Variants in OR52A5 observed in about 807,000 individuals in gnomAD.
The protein encoded by OR52A5 is olfactory receptor 52A5.
A neutral mutation model predicts 18.2 loss-of-function variants in OR52A5; 16 were observed. The observed-to-expected ratio is 0.88, with a 90% CI of 0.60 to 1.34. OR52A5 has a LOEUF of 1.34. OR52A5 is among the 40% of genes most tolerant of loss of function. OR52A5 has a pLI of 0.00. For missense variants in OR52A5, 418 were observed against 383.0 expected, an observed-to-expected ratio of 1.09 and a Z score of -0.76; for synonymous variants, 140 against 137.2, an observed-to-expected ratio of 1.02 and a Z score of -0.14.
At chr11:5,133,947 C>T (rs950562080) in intron 1 of OR52A5, among the ~76,000 whole-genome samples, 3 of 152,074 alleles carry the variant, frequency 2.0e-5, no homozygotes, top group Non-Finnish European at 4.4e-5. Flanking sequence ...TTCTTTGGCA[C>T]GTTATTTTGC....
At position 5,132,351 on chromosome 11, in the gene OR52A5, C is replaced by A. The variant is rs1846348667; in HGVS notation, c.292G>T (p.Ala98Ser). Reference sequence around the variant, plus strand: ...ATAAGCCACATTTGAAAAAGACAGGCATCAAAAGAAATCTCTGGCAAATGA... The same window carrying A: ...ATAAGCCACATTTGAAAAAGACAGGAATCAAAAGAAATCTCTGGCAAATGA... Reference protein sequence around the residue: ...WFHLPEISFDACLFQMWLIHS... With the variant: ...WFHLPEISFDSCLFQMWLIHS... The change falls in exon 2 of 2, where the codon GCC becomes TCC. Residue 98 changes from alanine (A) to serine (S), a missense_variant. Transcript: ENST00000307388. 1 of 1,614,110 alleles carries A rather than the reference C, an allele frequency of 6.2e-7. No homozygotes were observed.
rs758829227 is a variant in OR52A5, at chr11:5,131,741, T to C, written c.902A>G (p.Gln301Arg). 8.7e-6 allele frequency: 14 copies of C among 1,613,700 alleles called. No homozygotes were observed. The Admixed American group carries it at 1.8e-4, about 21-fold the overall frequency. The change falls in exon 2 of 2, where the codon CAA (glutamine) becomes CGA (arginine). Residue 301 changes from glutamine (Q) to arginine (R), a missense_variant. Coordinates refer to ENST00000307388, the MANE Select transcript of OR52A5 (RefSeq NM_001005160.3). ...CACTTTCACAATATGGTCACGAATT[T>C]GCTTGGTCTTCACTCCATAGACAAT... ...NPIVYGVKTK[Q>R]IRDHIVKVFF...
Position 5,132,202 on chromosome 11 carries a change from T to C in OR52A5, c.441A>G (p.Gly147=), listed in dbSNP as rs770428344. ...IFSQQFLTHI[G]LGVTLRAAIL... is the part of the protein sequence containing the mutation. ...TGGCAGCCCTGAGTGTCACCCCAAG[T>C]CCAATATGAGTTAAGAACTGCTGGG... Residue 147 remains glycine, a synonymous_variant, in exon 2 of 2, where the codon GGA becomes GGG. Coordinates refer to ENST00000307388, the MANE Select transcript of OR52A5 (RefSeq NM_001005160.3). The C allele has an allele frequency of 9.0e-5, 145 of 1,613,878 alleles. No individual in the cohort carries two copies. The South Asian group carries it at 1.4e-3, about 16-fold the overall frequency.
intron 1 of OR52A5, among the ~76,000 whole-genome samples, chr11:5,137,395 C>T (rs1442751913): frequency 6.6e-6 from 1 of 152,156 alleles, no homozygotes; most frequent in Non-Finnish European, 1.5e-5. Flanking sequence ...TACACTCCCT[C>T]CTAGAGTTAA....
intron 1 of OR52A5, among the ~76,000 whole-genome samples, chr11:5,137,772 A>T (rs1846405727): frequency 6.6e-6 from 1 of 152,178 alleles, no homozygotes; most frequent in Admixed American, 6.5e-5. Context: ...TGAAATTCTA[A>T]CTACCTCAGT....
chr11:5,132,727 A>AT, intron 1 of OR52A5, 25 bp from the exon 2 acceptor site: 6 of 801,744 alleles, frequency 7.5e-6, no homozygotes, highest in Non-Finnish European at 9.5e-6. Flanking sequence ...AATTAAAAAT[A>AT]TGTTAATTTA....
chr11:5,132,995 A>T (rs1270537609), intron 1 of OR52A5, among the ~76,000 whole-genome samples: 1 of 147,926 alleles, frequency 6.8e-6, no homozygotes, highest in African/African-American at 2.4e-5. Context: ...TGACTTACCA[A>T]TTGAAATTGT....
Position 5,132,340 on chromosome 11 carries a change from A to G in OR52A5, c.303T>C (p.Phe101=). Residue 101 remains phenylalanine, a synonymous_variant, in exon 2 of 2, where the codon TTT becomes TTC. Coordinates refer to ENST00000307388, the MANE Select transcript of OR52A5 (RefSeq NM_001005160.3). ...LPEISFDACL[F]QMWLIHSFQA... ...GGAATGAGTGAATAAGCCACATTTG[A>G]AAAAGACAGGCATCAAAAGAAATCT... 6.2e-7 allele frequency: 1 copy of G among 1,614,204 alleles called. No individual in the cohort carries two copies.
rs558622414 is a variant in OR52A5 at position 5,130,545 on chromosome 11, CAACT to C, written c.*1143_*1146del. 9 of 151,966 alleles carry C rather than the reference CAACT, an allele frequency of 5.9e-5. No homozygotes were observed. The highest frequency in any genetic ancestry group is 1.2e-4 in the African/African-American group (5 of 41,398). The allele number at this position is 151,966 out of a possible 1,614,324, so 9.4% of individuals were successfully genotyped here. On this transcript the variant is annotated 3_prime_UTR_variant, in exon 2 of 2. Transcript: ENST00000307388. ...AACAATTTTTAATATGTCTGCCTATCAACTAACATGTTGTTTTATCTTTTGTCAT... is the reference window on the plus strand; with the variant it reads ...AACAATTTTTAATATGTCTGCCTATCAACATGTTGTTTTATCTTTTGTCAT...
intron 1 of OR52A5, among the ~76,000 whole-genome samples, chr11:5,134,473 G>A (rs1846373218): frequency 6.6e-6 from 1 of 151,932 alleles, no homozygotes; most frequent in Non-Finnish European, 1.5e-5. Flanking sequence ...TAAATTAGAG[G>A]TTTATTATTT....
At chr11:5,137,799 T>C (rs918171706) in intron 1 of OR52A5, among the ~76,000 whole-genome samples, 4 of 152,214 alleles carry the variant, frequency 2.6e-5, no homozygotes, top group East Asian at 3.9e-4. Flanking sequence ...ATTGGTAAAA[T>C]AGAAAGAGAC....
chr11:5,135,466 T>C (rs1564850238), intron 1 of OR52A5, among the ~76,000 whole-genome samples: 1 of 152,182 alleles, frequency 6.6e-6, no homozygotes, highest in Non-Finnish European at 1.5e-5. Flanking sequence ...ACCATTTGAA[T>C]GGACTTTCTC....
rs548160900 is a variant in OR52A5, at chr11:5,137,802, A to C, written c.-61+509T>G. Among the ~76,000 whole-genome samples the C allele has an allele frequency of 3.3e-5, 5 of 152,328 alleles. No individual in the cohort carries two copies. The South Asian group carries it at 1.0e-3, about 32-fold the overall frequency. On this transcript the variant is annotated intron_variant, in intron 1 of 1. Coordinates refer to ENST00000307388, the MANE Select transcript of OR52A5 (RefSeq NM_001005160.3). ...CTCAGTTTCCTCATTGGTAAAATAG[A>C]AAGAGACACATTACAGAGTGATTGT... is the stretch of plus-strand genomic sequence containing the variant.
At chr11:5,133,386 A>AAG (rs1846362473) in intron 1 of OR52A5, among the ~76,000 whole-genome samples, 2 of 149,684 alleles carry the variant, frequency 1.3e-5, no homozygotes, top group African/African-American at 4.9e-5. Context: ...AAAAAAAAAA[A>AAG]AGAAAGGATC....
intron 1 of OR52A5, 127 bp downstream of exon 1, chr11:5,138,184 A>C (rs911315456): frequency 6.6e-6 from 1 of 152,212 alleles, no homozygotes; most frequent in Non-Finnish European, 1.5e-5. Flanking sequence ...TGAACACTCA[A>C]CTATTTTAAG....
chr11:5,131,771 T>C lies in OR52A5; in HGVS notation c.872A>G (p.Asn291Ser), dbSNP rs1442452691. 6.2e-7 allele frequency: 1 copy of C among 1,613,830 alleles called. No homozygotes were observed. Among genetic ancestry groups the C allele is most frequent in the Non-Finnish European group, 8.5e-7 (1 of 1,179,910 alleles). The change falls in exon 2 of 2, where the codon AAC becomes AGC. Residue 291 changes from asparagine (N) to serine (S), a missense_variant. By Grantham distance (46) the Asn-to-Ser change is conservative. Transcript: ENST00000307388. Reference protein sequence around the residue: ...NLYLLVPPFLNPIVYGVKTKQ... With the variant: ...NLYLLVPPFLSPIVYGVKTKQ... ...GGTCTTCACTCCATAGACAATAGGG[T>C]TGAGAAAAGGTGGGACTAACAGGTA...
Position 5,134,962 on chromosome 11 carries a change from C to T in OR52A5, c.-60-2260G>A, listed in dbSNP as rs370938458. Among the ~76,000 whole-genome samples the T allele has an allele frequency of 1.8e-4, 28 of 152,190 alleles. No homozygotes were observed. In the East Asian group the frequency reaches 3.9e-3, roughly 21 times the overall value. On this transcript the variant is annotated intron_variant, in intron 1 of 1. Transcript: ENST00000307388. ...TCGGCTCACTGCAAGCTCCGCCTCC[C>T]GGGTTCACGCCATTCTCCTGCCTCA...
At chr11:5,133,166 G>A (rs943168691) in intron 1 of OR52A5, among the ~76,000 whole-genome samples, 9 of 151,854 alleles carry the variant, frequency 5.9e-5, no homozygotes, top group Non-Finnish European at 1.3e-4. Flanking sequence ...TCAGGAGATC[G>A]AGACCATCCT....
At chr11:5,135,735 C>A (rs1846387430) in intron 1 of OR52A5, among the ~76,000 whole-genome samples, 1 of 152,156 alleles carries the variant, frequency 6.6e-6, no homozygotes, top group African/African-American at 2.4e-5. Context: ...AAATTTTAAA[C>A]CTACCTACAA....
Sources: gnomAD v4.1 joint callset for allele counts (sites outside exome capture counted in the v4.1 genomes callset) on GRCh38, gnomAD v4.1.1 for gene constraint, MANE v1.5 for transcripts, NCBI Gene and HGNC (gene_info 2026-07-23, HGNC 2026-07-21) for gene names.